The following SPON1 variants were observed in gnomAD, a reference collection of about 807,000 sequenced individuals.
SPON1 encodes the protein spondin-1.
A neutral mutation model predicts 111.7 loss-of-function variants in SPON1; 52 were observed. The ratio of observed to expected loss-of-function variants is 0.47; its 90% CI spans 0.37 to 0.59. The LOEUF is 0.59. Among genes scored for constraint, SPON1 ranks in the 20% least tolerant of loss-of-function variants. The pLI, the probability that SPON1 is intolerant of heterozygous loss-of-function variation, is 0.00. For synonymous variants in SPON1, 410 were observed against 395.8 expected (o/e 1.04, Z -0.43); for missense variants, 957 against 1,068.5 (o/e 0.90, Z 1.46).
chr11:14,180,145 T>C (rs782326534), intron 6 of SPON1, among the ~76,000 whole-genome samples: 9 of 152,152 alleles, frequency 5.9e-5, no homozygotes, highest in Non-Finnish European at 1.3e-4. Context: ...CAGCAGGGGT[T>C]CCCAGGATGT....
Position 14,118,295 on chromosome 11 carries a change from T to C in SPON1, c.677-17125T>C. On this transcript the variant is annotated intron_variant, in intron 5 of 15. Coordinates refer to ENST00000576479, the MANE Select transcript of SPON1 (RefSeq NM_006108.4). ...TAGTGGAGTATTACACATTTGGAAG[T>C]TGTCCAGGAATATAGCCTCTCTCCC... is the stretch of plus-strand genomic sequence containing the variant. Among the ~76,000 whole-genome samples the C allele has an allele frequency of 1.3e-5, 2 of 152,208 alleles. 1 individual carries two copies. The highest frequency in any genetic ancestry group is 2.9e-5 in the Non-Finnish European group (2 of 68,042).
chr11:14,079,469 C>G (rs1417537728), intron 4 of SPON1, among the ~76,000 whole-genome samples: 1 of 152,022 alleles, frequency 6.6e-6, no homozygotes, highest in Non-Finnish European at 1.5e-5. Context: ...TCATTTTGGT[C>G]CCAGAGAATA....
chr11:14,020,917 G>A (rs1329463459), intron 2 of SPON1, among the ~76,000 whole-genome samples: 1 of 152,126 alleles, frequency 6.6e-6, no homozygotes. Context: ...TGAGGAATAA[G>A]GATGCAGATA....
chr11:14,073,884 G>T (rs967758861), intron 3 of SPON1, among the ~76,000 whole-genome samples: 8 of 152,136 alleles, frequency 5.3e-5, no homozygotes, highest in African/African-American at 1.9e-4. Context: ...GAAGACAAAT[G>T]GGGGAAGAGG....
rs1564919642 is a variant in SPON1, at chr11:14,160,873, ATATTTTTATATATT to A, written c.825+25309_825+25322del. ...TATTTATATATATTTATATATTTTT[ATATTTTTATATATT>A]TATATATATTTATATATTTATATAT... On this transcript the variant is annotated intron_variant, in intron 6 of 15. Coordinates refer to ENST00000576479, the MANE Select transcript of SPON1 (RefSeq NM_006108.4). 1.2e-3 allele frequency among the ~76,000 whole-genome samples: 47 copies of A among 37,772 alleles called. 1 individual carries two copies. Among genetic ancestry groups the A allele is most frequent in the South Asian group, 2.1e-3 (2 of 970 alleles). The allele number at this position is 37,772 out of a possible 152,430, so 24.8% of individuals were successfully genotyped here. A position where few individuals can be genotyped will look rare whatever the true frequency, so the allele number is the denominator to read the frequency against.
At chr11:14,074,356 T>TG (rs1276992880) in intron 3 of SPON1, among the ~76,000 whole-genome samples, 2 of 152,228 alleles carry the variant, frequency 1.3e-5, no homozygotes, top group African/African-American at 4.8e-5. Context: ...CTGTACTCTG[T>TG]GGATCCATGC....
At chr11:14,019,384 T>G (rs1194054706) in intron 2 of SPON1, among the ~76,000 whole-genome samples, 1 of 150,014 alleles carries the variant, frequency 6.7e-6, no homozygotes, top group South Asian at 2.1e-4. Flanking sequence ...TTTTATAATG[T>G]GTATAATTAT....
intron 6 of SPON1, among the ~76,000 whole-genome samples, chr11:14,242,884 C>T (rs976579145): frequency 7.9e-5 from 12 of 152,224 alleles, no homozygotes; most frequent in Admixed American, 6.5e-5. Flanking sequence ...GCAGGACAGG[C>T]GTTGAGGGGA....
intron 6 of SPON1, among the ~76,000 whole-genome samples, chr11:14,142,242 C>T (rs1412988134): frequency 1.3e-5 from 2 of 152,220 alleles, no homozygotes; most frequent in African/African-American, 2.4e-5. Context: ...TCTTCAGCCT[C>T]TGTTTCCTTA....
rs1417615274 is a variant in SPON1, at chr11:14,205,717, C to T, written c.826-37615C>T. ...GTCATTTCTTCACTTAAAATTCTCA[C>T]GAGACTTCCTGTTGTCTGTGGAGTT... is the stretch of plus-strand genomic sequence containing the variant. On this transcript the variant is annotated intron_variant, in intron 6 of 15. Coordinates refer to ENST00000576479, the MANE Select transcript of SPON1 (RefSeq NM_006108.4). Among the ~76,000 whole-genome samples, 12 of 152,242 alleles carry T rather than the reference C, an allele frequency of 7.9e-5. 1 individual carries two copies. In the South Asian group the frequency reaches 2.1e-3, roughly 26 times the overall value.
At chr11:14,176,257 CAGA>C (rs1367396322) in intron 6 of SPON1, among the ~76,000 whole-genome samples, 22 of 152,138 alleles carry the variant, frequency 1.4e-4, no homozygotes, top group African/African-American at 5.3e-4. Context: ...ATGAGACAGA[CAGA>C]AGGCCTTCCA....
intron 6 of SPON1, among the ~76,000 whole-genome samples, chr11:14,233,004 C>T (rs554371690): frequency 6.6e-6 from 1 of 152,068 alleles, no homozygotes; most frequent in East Asian, 1.9e-4. Context: ...TCTCTCTGGC[C>T]ATTATACCTT....
At chr11:14,183,483 T>G (rs1848255723) in intron 6 of SPON1, among the ~76,000 whole-genome samples, 1 of 152,244 alleles carries the variant, frequency 6.6e-6, no homozygotes, top group South Asian at 2.1e-4. Context: ...TGAAATGTTT[T>G]TAAGTTCTCA....
At chr11:13,971,961 T>G (rs980825250) in intron 1 of SPON1, among the ~76,000 whole-genome samples, 4 of 152,216 alleles carry the variant, frequency 2.6e-5, no homozygotes, top group Non-Finnish European at 5.9e-5. Flanking sequence ...CCATGTAACT[T>G]TCACACATCT....
chr11:14,005,645 CTCTG>C (rs1204642333), intron 2 of SPON1, among the ~76,000 whole-genome samples: 1 of 152,172 alleles, frequency 6.6e-6, no homozygotes, highest in Non-Finnish European at 1.5e-5. Flanking sequence ...ACCTTTGTTT[CTCTG>C]TCTGAAAAAC....
In SPON1 at chr11:14,259,136, T is replaced by C. The variant is rs937221998; in HGVS notation, c.1493-144T>C. 12 of 809,786 alleles carry C rather than the reference T, an allele frequency of 1.5e-5. No homozygotes were observed. The highest frequency in any genetic ancestry group is 2.0e-5 in the Non-Finnish European group (11 of 539,186). The allele number at this position is 809,786 out of a possible 1,614,324, so 50.2% of individuals were successfully genotyped here. On this transcript the variant is annotated intron_variant, in intron 11 of 15. Transcript: ENST00000576479. This position sits in a 1 kb window ranked among gnomAD's most constrained non-coding sequence, Gnocchi z 5.0. ...TTCCTCTTAGAGAACTTTGCCAGTT[T>C]AAGGATTTAGACCTCTTAGGTGTGC... is the stretch of plus-strand genomic sequence containing the variant.
chr11:14,232,895 A>AG (rs1208015682), intron 6 of SPON1, among the ~76,000 whole-genome samples: 12 of 151,824 alleles, frequency 7.9e-5, no homozygotes, highest in Middle Eastern at 3.2e-3. Flanking sequence ...AGCACATGGC[A>AG]GGGGGGGCAG....
intron 6 of SPON1, among the ~76,000 whole-genome samples, chr11:14,225,852 G>A (rs1172667010): frequency 2.0e-5 from 3 of 152,162 alleles, no homozygotes; most frequent in African/African-American, 4.8e-5. Context: ...GCAGACAGGG[G>A]TCTAACAGCT....
At chr11:14,258,649 C>A (rs1485700203) in intron 11 of SPON1, among the ~76,000 whole-genome samples, 8 of 152,238 alleles carry the variant, frequency 5.3e-5, no homozygotes, top group Non-Finnish European at 1.5e-5. Context: ...GCAAGCTTAT[C>A]CCATGCAGGT....
Sources: allele counts gnomAD v4.1 joint callset (sites outside exome capture counted in the v4.1 genomes callset), GRCh38; gene constraint gnomAD v4.1.1; non-coding constraint Gnocchi (gnomAD v3.1); transcripts MANE v1.5; gene names NCBI Gene and HGNC (gene_info 2026-07-23, HGNC 2026-07-21).